TPRG1: variants seen among roughly 807,000 people sequenced by gnomAD.
The protein encoded by TPRG1 is tumor protein p63 regulated 1.
TPRG1 carries 29 observed loss-of-function variants against 29.3 expected under a neutral mutation model. The observed-to-expected ratio is 0.99, with a 90% CI of 0.74 to 1.35. The LOEUF is 1.35. Among genes scored for constraint, TPRG1 ranks in the 40% most tolerant of loss-of-function variants. The probability of loss-of-function intolerance (pLI) is 0.00; values close to 1 mark genes in which losing one functional copy is unlikely to be tolerated. For synonymous variants in TPRG1, 130 were observed against 116.8 expected (o/e 1.11, Z -0.73); for missense variants, 327 against 335.0 (o/e 0.98, Z 0.19).
intron 5 of TPRG1, among the ~76,000 whole-genome samples, chr3:189,314,567 T>G (rs1723187484): frequency 1.3e-5 from 2 of 152,218 alleles, no homozygotes; most frequent in African/African-American, 4.8e-5. Flanking sequence ...ACAGTCTTGC[T>G]TATCTCCCTG....
At chr3:189,041,657 T>C (rs769277595) in intron 4 of TPRG1, among the ~76,000 whole-genome samples, 2 of 152,184 alleles carry the variant, frequency 1.3e-5, no homozygotes, top group Non-Finnish European at 2.9e-5. Context: ...TGCCAGCAAT[T>C]TTCTGCCATG....
At chr3:189,037,708 A>G (rs539280187) in intron 4 of TPRG1, among the ~76,000 whole-genome samples, 4 of 152,000 alleles carry the variant, frequency 2.6e-5, no homozygotes, top group African/African-American at 9.6e-5. Context: ...ATGGAAACTA[A>G]CAGTCTTCTC....
At chr3:189,272,161 G>A (rs939184212) in intron 4 of TPRG1, among the ~76,000 whole-genome samples, 3 of 152,144 alleles carry the variant, frequency 2.0e-5, no homozygotes, top group African/African-American at 7.2e-5. Context: ...TCATGTCATC[G>A]TTTAACCATG....
At chr3:189,056,035 T>C (rs9878552) in intron 4 of TPRG1, among the ~76,000 whole-genome samples, 6,883 of 23,798 alleles carry the variant, frequency 0.29, 428 homozygotes, top group East Asian at 0.46. Context: ...CTCCCTCCCT[T>C]CCTTCCTTCC....
At chr3:189,034,330 T>G (rs1357487038) in intron 4 of TPRG1, among the ~76,000 whole-genome samples, 2 of 152,172 alleles carry the variant, frequency 1.3e-5, no homozygotes, top group African/African-American at 4.8e-5. Flanking sequence ...CTGCATAAGC[T>G]GCATTTAAAC....
intron 4 of TPRG1, among the ~76,000 whole-genome samples, chr3:189,092,454 T>C (rs1372662774): frequency 2.0e-5 from 3 of 152,150 alleles, no homozygotes; most frequent in Non-Finnish European, 4.4e-5. Flanking sequence ...TTTTTTTTTT[T>C]TTTTGGTATC....
chr3:189,116,247 G>A (rs1308952122), intron 1 of TPRG1, among the ~76,000 whole-genome samples: 8 of 151,784 alleles, frequency 5.3e-5, no homozygotes, highest in Non-Finnish European at 5.9e-5. Flanking sequence ...GCGTGATCTC[G>A]GCCTACTGCA....
chr3:189,147,603 C>A (rs1174479019), exon 4 of TPRG1: 2 of 152,322 alleles, frequency 1.3e-5, no homozygotes, highest in African/African-American at 4.8e-5. Context: ...CATTTGGAAG[C>A]CCCTTTGCTT....
intron 4 of TPRG1, among the ~76,000 whole-genome samples, chr3:189,036,657 CA>C (rs1307226930): frequency 6.6e-6 from 1 of 151,694 alleles, no homozygotes; most frequent in Non-Finnish European, 1.5e-5. Context: ...TGACAACAGA[CA>C]AATAAGTTTG....
At chr3:189,032,945 G>A (rs1490231954) in intron 4 of TPRG1, among the ~76,000 whole-genome samples, 1 of 151,840 alleles carries the variant, frequency 6.6e-6, no homozygotes, top group Non-Finnish European at 1.5e-5. Context: ...TTTTATGGCT[G>A]CATACTATTC....
intron 4 of TPRG1, among the ~76,000 whole-genome samples, chr3:189,084,235 A>G (rs1440693768): frequency 6.6e-6 from 1 of 152,216 alleles, no homozygotes. Context: ...TTATTTTATT[A>G]TAAATTAGAT....
intron 1 of TPRG1, among the ~76,000 whole-genome samples, chr3:189,195,304 G>A (rs2108755987): frequency 6.6e-6 from 1 of 152,240 alleles, no homozygotes; most frequent in South Asian, 2.1e-4. Context: ...TCTCTTAGTG[G>A]CTAAAGTACT....
intron 4 of TPRG1, among the ~76,000 whole-genome samples, chr3:189,037,816 A>G (rs1299202501): frequency 1.3e-5 from 2 of 151,750 alleles, no homozygotes; most frequent in Non-Finnish European, 3.0e-5. Flanking sequence ...AGATATATCC[A>G]TCAAGTATAA....
intron 3 of TPRG1, among the ~76,000 whole-genome samples, chr3:189,134,146 G>T (rs1201632254): frequency 6.6e-6 from 1 of 152,142 alleles, no homozygotes. Flanking sequence ...GGAAGGAAGA[G>T]CTTCCACCTT....
chr3:189,021,380 T>A (rs1374932826), intron 3 of TPRG1, among the ~76,000 whole-genome samples: 1 of 152,138 alleles, frequency 6.6e-6, no homozygotes, highest in African/African-American at 2.4e-5. Flanking sequence ...CGGTTGTTCG[T>A]TTCCATGTTT....
rs1722342986 is a variant in TPRG1 at position 189,125,466 on chromosome 3, T to C, written c.-743-1591T>C. ...GGGCCTGTCAGACCATATGATCTTC[T>C]TCCAGGGTTGTCTGTTTATAGCTGA... On this transcript the variant is annotated intron_variant, in intron 1 of 6. Coordinates refer to the TPRG1 transcript ENST00000412373. Among the ~76,000 whole-genome samples, 5 of 152,212 alleles carry C rather than the reference T, an allele frequency of 3.3e-5. 1 individual carries two copies. The South Asian group carries it at 1.0e-3, about 32-fold the overall frequency.
intron 2 of TPRG1, among the ~76,000 whole-genome samples, chr3:189,209,078 C>T (rs1406950017): frequency 1.3e-5 from 2 of 152,170 alleles, no homozygotes; most frequent in Non-Finnish European, 2.9e-5. Context: ...ATGTCTGTCT[C>T]CCACCAAGTC....
At chr3:189,187,942 T>C (rs941220647) in intron 1 of TPRG1, among the ~76,000 whole-genome samples, 4 of 152,206 alleles carry the variant, frequency 2.6e-5, no homozygotes, top group Admixed American at 6.5e-5. Context: ...ACCCACAATG[T>C]TGTATGTAAA....
chr3:188,997,334 T>C (rs61374972), intron 1 of TPRG1, among the ~76,000 whole-genome samples: 1,902 of 152,300 alleles, frequency 0.012, 38 homozygotes, highest in African/African-American at 0.044. Context: ...TGTGTCACTT[T>C]TCCCCTGGGG....
Sources: allele counts gnomAD v4.1 joint callset (sites outside exome capture counted in the v4.1 genomes callset), GRCh38; gene constraint gnomAD v4.1.1; transcripts MANE v1.5; gene names NCBI Gene and HGNC (gene_info 2026-07-23, HGNC 2026-07-21).